Variants in ERAP2 observed in about 807,000 individuals in gnomAD.
The protein encoded by ERAP2 is leukocyte-derived arginine aminopeptidase.
ERAP2 carries 118 observed loss-of-function variants against 111.1 expected under a neutral mutation model. The ratio of observed to expected loss-of-function variants is 1.06; its 90% CI spans 0.92 to 1.24. The LOEUF is 1.24. Ranked by LOEUF, ERAP2 falls within the 50% of genes most tolerant of loss-of-function variation. ERAP2 has a pLI of 0.00. For synonymous variants in ERAP2, 410 were observed against 401.2 expected, an observed-to-expected ratio of 1.02 and a Z score of -0.26; for missense variants, 1,131 against 1,125.8, an observed-to-expected ratio of 1.00 and a Z score of -0.07.
At chr5:96,904,149 G>A (rs1428049355) in intron 13 of ERAP2, among the ~76,000 whole-genome samples, 2 of 152,174 alleles carry the variant, frequency 1.3e-5, no homozygotes, top group East Asian at 3.8e-4. Flanking sequence ...CGTTTGTAGG[G>A]AAATGAAGTA....
At chr5:96,895,192 G>T in intron 6 of ERAP2, 54 bp from the exon 7 acceptor site, 4 of 1,108,418 alleles carry the variant, frequency 3.6e-6, no homozygotes, top group Admixed American at 4.6e-5. Flanking sequence ...TTTTGCTAAA[G>T]TTAATAATTT....
rs575902687 is a variant in ERAP2 at position 96,902,188 on chromosome 5, C to G, written c.1749-86C>G. 1.2e-5 allele frequency: 11 copies of G among 884,338 alleles called. No homozygotes were observed. The East Asian group carries it at 1.5e-4, about 12-fold the overall frequency. The allele number at this position is 884,338 out of a possible 1,614,324, so 54.8% of individuals were successfully genotyped here. On this transcript the variant is annotated intron_variant, in intron 11 of 18. Transcript: ENST00000437043. Reference sequence around the variant, plus strand: ...ATGAAGGATGATGGGTACTTAGGTGCCTTTTACAGTCTGTCTGAGTCTGAC... The same window carrying G: ...ATGAAGGATGATGGGTACTTAGGTGGCTTTTACAGTCTGTCTGAGTCTGAC...
intron 15 of ERAP2, 42 bp downstream of exon 15, chr5:96,909,806 T>C: frequency 2.5e-6 from 4 of 1,590,048 alleles, no homozygotes; most frequent in Non-Finnish European, 3.4e-6. Context: ...CTTTTCTCTT[T>C]GATGTAAAAG....
At position 96,908,949 on chromosome 5, in the gene ERAP2, T is replaced by C; in HGVS notation, c.2013-12T>C. On this transcript the variant is annotated splice_polypyrimidine_tract_variant and intron_variant, in intron 13 of 18. Coordinates refer to ENST00000437043, the MANE Select transcript of ERAP2 (RefSeq NM_022350.5). Reference sequence around the variant, plus strand: ...ATATGCACAAACCACTGACATTTGTTTTATACTTCAGTGCAGGGAGACTGA... The same window carrying C: ...ATATGCACAAACCACTGACATTTGTCTTATACTTCAGTGCAGGGAGACTGA... 3 of 1,609,570 alleles carry C rather than the reference T, an allele frequency of 1.9e-6. No homozygotes were observed. In the South Asian group the frequency reaches 3.3e-5, roughly 18 times the overall value.
intron 17 of ERAP2, among the ~76,000 whole-genome samples, chr5:96,913,930 A>C (rs2549800): frequency 0.54 from 82,296 of 152,066 alleles, 22,352 homozygotes; most frequent in Admixed American, 0.59. Context: ...ACCTTGGTTC[A>C]GGTGAAAGAA....
intron 6 of ERAP2, among the ~76,000 whole-genome samples, chr5:96,893,356 G>A (rs552921783): frequency 4.6e-5 from 7 of 152,096 alleles, no homozygotes; most frequent in Admixed American, 2.0e-4. Context: ...ATCCTTTATC[G>A]TCACCACAAT....
chr5:96,895,810 A>T (rs1378690045), intron 7 of ERAP2, among the ~76,000 whole-genome samples: 1 of 152,170 alleles, frequency 6.6e-6, no homozygotes, highest in East Asian at 1.9e-4. Flanking sequence ...CGTCTTTTTT[A>T]AAAACGAATA....
chr5:96,905,469 G>C (rs932270829), intron 13 of ERAP2, among the ~76,000 whole-genome samples: 1 of 152,094 alleles, frequency 6.6e-6, no homozygotes, highest in African/African-American at 2.4e-5. Context: ...TATAACAAAA[G>C]TAATTGTATA....
At chr5:96,913,198 G>T in intron 16 of ERAP2, 119 bp from the exon 17 acceptor site, 1 of 734,686 alleles carries the variant, frequency 1.4e-6, no homozygotes, top group South Asian at 2.4e-5. Context: ...TAAAAAATTG[G>T]TAATTATACT....
intron 5 of ERAP2, among the ~76,000 whole-genome samples, chr5:96,891,471 G>GTA (rs140204785): frequency 1.9e-4 from 19 of 101,374 alleles, no homozygotes; most frequent in Admixed American, 4.1e-4. Flanking sequence ...ACATATACAG[G>GTA]TATATATATA....
At chr5:96,906,212 C>T (rs1483770476) in intron 13 of ERAP2, among the ~76,000 whole-genome samples, 1 of 151,814 alleles carries the variant, frequency 6.6e-6, no homozygotes, top group Non-Finnish European at 1.5e-5. Flanking sequence ...CCCCCTCCTC[C>T]TCCTCTTCCT....
chr5:96,917,119 T>C (rs578206936), intron 18 of ERAP2, among the ~76,000 whole-genome samples: 1 of 152,320 alleles, frequency 6.6e-6, no homozygotes, highest in African/African-American at 2.4e-5. Flanking sequence ...TATTGTTTCT[T>C]TATTTTTGAA....
intron 15 of ERAP2, among the ~76,000 whole-genome samples, chr5:96,911,796 G>C (rs1384136093): frequency 6.9e-6 from 1 of 145,276 alleles, no homozygotes; most frequent in Non-Finnish European, 1.5e-5. Context: ...TTGTGCAGGA[G>C]GCTGAGGCTA....
At chr5:96,906,260 C>CTCT (rs1304578336) in intron 13 of ERAP2, among the ~76,000 whole-genome samples, 1 of 151,368 alleles carries the variant, frequency 6.6e-6, no homozygotes, top group East Asian at 1.9e-4. Flanking sequence ...CTACTTCTTC[C>CTCT]TCTTCTTCTT....
chr5:96,888,411 T>G (rs1380591446), intron 4 of ERAP2, among the ~76,000 whole-genome samples: 2 of 152,186 alleles, frequency 1.3e-5, no homozygotes, highest in African/African-American at 4.8e-5. Context: ...AGCAAGTTAC[T>G]AAATCATTAT....
rs143471576 is a variant in ERAP2, at chr5:96,908,992, G to C, written c.2044G>C (p.Asp682His). The part of the protein sequence containing the change: ...AGRLTLDKAL[D>H]MTYYLQHETS... ...GAGACTGACCCTAGACAAAGCTCTT[G>C]ACATGACTTACTACCTCCAACATGA... The change falls in exon 14 of 19, where the codon GAC (aspartate) becomes CAC (histidine). Residue 682 changes from aspartate (D) to histidine (H), a missense_variant. Transcript: ENST00000437043. 1.6e-5 allele frequency: 26 copies of C among 1,613,992 alleles called. No individual in the cohort carries two copies. The highest frequency in any genetic ancestry group is 8.5e-7 in the Non-Finnish European group (1 of 1,180,008).
intron 9 of ERAP2, among the ~76,000 whole-genome samples, chr5:96,898,811 C>G (rs1257869084): frequency 6.6e-6 from 1 of 152,056 alleles, no homozygotes; most frequent in Non-Finnish European, 1.5e-5. Flanking sequence ...CATCACCCAC[C>G]GTCAGTGGTC....
At chr5:96,891,572 TACACACAC>T (rs1319654321) in intron 5 of ERAP2, among the ~76,000 whole-genome samples, 1 of 133,230 alleles carries the variant, frequency 7.5e-6, no homozygotes, top group Non-Finnish European at 1.6e-5. Flanking sequence ...ACATATATGG[TACACACAC>T]ACACACACAC....
At chr5:96,877,760 T>G (rs1035331183) in intron 1 of ERAP2, among the ~76,000 whole-genome samples, 25 of 152,152 alleles carry the variant, frequency 1.6e-4, no homozygotes, top group Admixed American at 5.9e-4. Context: ...AAATTCAAGC[T>G]AATAGACCAA....
Sources: gnomAD v4.1 joint callset for allele counts (sites outside exome capture counted in the v4.1 genomes callset) on GRCh38, gnomAD v4.1.1 for gene constraint, MANE v1.5 for transcripts, NCBI Gene and HGNC (gene_info 2026-07-23, HGNC 2026-07-21) for gene names.